The following ARHGEF12 variants were observed in gnomAD, a reference collection of about 807,000 sequenced individuals.
ARHGEF12 encodes KMT2A/ARHGEF12 fusion protein.
ARHGEF12 carries 66 observed loss-of-function variants against 211.2 expected under a neutral mutation model. The ratio of observed to expected loss-of-function variants is 0.31; its 90% CI spans 0.26 to 0.38. ARHGEF12 has a LOEUF of 0.38. Ranked by LOEUF, ARHGEF12 falls within the 10% of genes least tolerant of loss-of-function variation. The pLI is 1.00. For synonymous variants in ARHGEF12, 592 were observed against 638.4 expected (o/e 0.93, Z 1.09); for missense variants, 1,429 against 1,869.5 (o/e 0.76, Z 4.34).
At chr11:120,427,677 A>G (rs904161634) in intron 7 of ARHGEF12, among the ~76,000 whole-genome samples, 9 of 152,248 alleles carry the variant, frequency 5.9e-5, no homozygotes, top group Non-Finnish European at 7.3e-5. Context: ...AATTAAAAAA[A>G]AAAAAGAAGA....
chr11:120,473,207 G>C, intron 31 of ARHGEF12, 80 bp downstream of exon 31: 1 of 1,248,726 alleles, frequency 8.0e-7, no homozygotes, highest in Non-Finnish European at 1.1e-6. Context: ...ATCTCAGTGG[G>C]AATATACGTC....
At chr11:120,406,949 C>T (rs764371192) in intron 2 of ARHGEF12, among the ~76,000 whole-genome samples, 2 of 152,198 alleles carry the variant, frequency 1.3e-5, no homozygotes, top group Non-Finnish European at 2.9e-5. Flanking sequence ...TTATTCATTT[C>T]CAGGTCTTAA....
In ARHGEF12 at chr11:120,407,790, G is replaced by C; in HGVS notation, c.109G>C (p.Glu37Gln). ...ACCAACAGATAAGAAGCAGAAAGTT[G>C]AGCGCATTGCATCACATGATTTTGA... ...ESPTDKKQKVERIASHDFDPT... is the reference protein window; with the variant it reads ...ESPTDKKQKVQRIASHDFDPT... The change falls in exon 3 of 41, where the codon GAG (glutamate) becomes CAG (glutamine). Residue 37 changes from glutamate to glutamine, a missense_variant. Coordinates refer to ENST00000397843, the MANE Select transcript of ARHGEF12 (RefSeq NM_015313.3). 1.2e-6 allele frequency: 2 copies of C among 1,613,624 alleles called. No individual in the cohort carries two copies. The highest frequency in any genetic ancestry group is 1.3e-5 in the African/African-American group (1 of 75,008).
intron 1 of ARHGEF12, among the ~76,000 whole-genome samples, chr11:120,374,716 G>GA (rs552549154): frequency 6.6e-6 from 1 of 151,606 alleles, no homozygotes; most frequent in Non-Finnish European, 1.5e-5. Context: ...TGCAAACATA[G>GA]AAAAAAAATA....
intron 11 of ARHGEF12, among the ~76,000 whole-genome samples, chr11:120,432,616 G>A (rs1945581632): frequency 6.6e-6 from 1 of 151,986 alleles, no homozygotes; most frequent in South Asian, 2.1e-4. Flanking sequence ...TGTAATTGTG[G>A]GTCATGAAAT....
At chr11:120,437,624 T>G (rs573845264) in intron 12 of ARHGEF12, among the ~76,000 whole-genome samples, 9 of 152,308 alleles carry the variant, frequency 5.9e-5, no homozygotes, top group African/African-American at 2.2e-4. Context: ...GTTTAACCAT[T>G]TTTAAGTGTA....
At chr11:120,338,710 C>T (rs1457513191) in intron 1 of ARHGEF12, among the ~76,000 whole-genome samples, 2 of 152,132 alleles carry the variant, frequency 1.3e-5, no homozygotes, top group Non-Finnish European at 2.9e-5. Flanking sequence ...ATTCAATTCT[C>T]GCTCTTTCTG....
chr11:120,366,605 A>G (rs2135389130), intron 1 of ARHGEF12, among the ~76,000 whole-genome samples: 1 of 152,342 alleles, frequency 6.6e-6, no homozygotes, highest in Admixed American at 6.5e-5. Context: ...TGTGAGCAAC[A>G]GGTAAATTAA....
Position 120,447,873 on chromosome 11 carries a change from G to T in ARHGEF12, c.1590-1G>T, listed in dbSNP as rs2135822434. ...TTAAATTTTTTTTTCTTTTTTTTAA[G>T]GATGACTGCTCAGGCTGTAGAGGAA... On this transcript the variant is annotated splice_acceptor_variant, in intron 18 of 40. Transcript: ENST00000397843. LOFTEE classifies it high-confidence loss of function. 6.4e-7 allele frequency: 1 copy of T among 1,555,142 alleles called. No homozygotes were observed. Among genetic ancestry groups the T allele is most frequent in the Admixed American group, 2.1e-5 (1 of 47,568 alleles).
chr11:120,425,064 C>T (rs886527756), intron 7 of ARHGEF12, among the ~76,000 whole-genome samples: 1 of 152,116 alleles, frequency 6.6e-6, no homozygotes, highest in South Asian at 2.1e-4. Context: ...GCTAACCTCC[C>T]GTCACTTGCA....
In ARHGEF12 at chr11:120,476,989, A is replaced by T; in HGVS notation, c.3366-230A>T. 3 of 579,550 alleles carry T rather than the reference A, an allele frequency of 5.2e-6. No homozygotes were observed. The South Asian group carries it at 7.6e-5, about 15-fold the overall frequency. The allele number at this position is 579,550 out of a possible 1,614,324, so 35.9% of individuals were successfully genotyped here. ...GCAAAATGTCAAGTGAAGTTTTTTT[A>T]ATGTGTCCATAGATTTCTCTTAAGG... On this transcript the variant is annotated intron_variant, in intron 34 of 40. Transcript: ENST00000397843.
chr11:120,357,256 A>G (rs1374208177), intron 1 of ARHGEF12, among the ~76,000 whole-genome samples: 1 of 152,094 alleles, frequency 6.6e-6, no homozygotes, highest in African/African-American at 2.4e-5. Context: ...AACCTCCCAA[A>G]GTACTGGGAT....
chr11:120,448,709 T>C (rs1358325293), intron 20 of ARHGEF12: 2 of 281,166 alleles, frequency 7.1e-6, no homozygotes, highest in African/African-American at 4.4e-5. Flanking sequence ...TTTGTAATTA[T>C]TTGTGTTTTT....
At chr11:120,467,440 T>C in intron 29 of ARHGEF12, 132 bp downstream of exon 29, 1 of 568,176 alleles carries the variant, frequency 1.8e-6, no homozygotes. Context: ...TTTCTTTTTT[T>C]TTTTTTTTTT....
At chr11:120,453,357 T>C (rs991167989) in intron 22 of ARHGEF12, among the ~76,000 whole-genome samples, 14 of 151,874 alleles carry the variant, frequency 9.2e-5, no homozygotes, top group African/African-American at 2.7e-4. Flanking sequence ...AGAAAGAAAG[T>C]AGAGGAAGGG....
At chr11:120,385,530 G>C (rs988195408) in intron 1 of ARHGEF12, 3 of 976,022 alleles carry the variant, frequency 3.1e-6, no homozygotes, top group East Asian at 2.3e-4. Context: ...GTATAAAATG[G>C]AGCAAAATGG....
At chr11:120,424,519 G>A in intron 7 of ARHGEF12, 104 bp downstream of exon 7, 1 of 859,072 alleles carries the variant, frequency 1.2e-6, no homozygotes, top group Non-Finnish European at 1.9e-6. Flanking sequence ...TAGGCTATGT[G>A]GACTATATAG....
intron 11 of ARHGEF12, among the ~76,000 whole-genome samples, chr11:120,433,703 C>A (rs1945612732): frequency 1.3e-5 from 2 of 152,106 alleles, no homozygotes; most frequent in Non-Finnish European, 2.9e-5. Context: ...CGCCTGTAAT[C>A]CCAGCACTTT....
At position 120,429,454 on chromosome 11, in the gene ARHGEF12, G is replaced by C. The variant is rs1945460508; in HGVS notation, c.600G>C (p.Val200=). The change falls in exon 9 of 41, where the codon GTG becomes GTC. Residue 200 remains valine, a synonymous_variant. Coordinates refer to ENST00000397843, the MANE Select transcript of ARHGEF12 (RefSeq NM_015313.3). ...TTCTTTTCTAGGAGGAAAACAATGT[G>C]GTTCATAACCAGAAAGTAGAAATTC... ...SPVLMGEENN[V]VHNQKVEILR... 1 of 1,612,860 alleles carries C rather than the reference G, an allele frequency of 6.2e-7. No homozygotes were observed. The highest frequency in any genetic ancestry group is 8.5e-7 in the Non-Finnish European group (1 of 1,179,350).
Sources: allele counts gnomAD v4.1 joint callset (sites outside exome capture counted in the v4.1 genomes callset), GRCh38; gene constraint gnomAD v4.1.1; transcripts MANE v1.5; gene names NCBI Gene and HGNC (gene_info 2026-07-23, HGNC 2026-07-21).